Variants in DCHS2 observed in about 807,000 individuals in gnomAD.
DCHS2 encodes dachsous cadherin-related 2.
Under a neutral mutation model 182.4 loss-of-function variants are expected in DCHS2, and 142 were observed. The observed-to-expected ratio is 0.78, with a 90% CI of 0.68 to 0.89. The LOEUF (loss-of-function observed/expected upper bound fraction) is 0.89. Ranked by LOEUF, DCHS2 falls within the 40% of genes least tolerant of loss-of-function variation. The pLI is 0.00. For synonymous variants in DCHS2, 1,740 were observed against 1,663.3 expected (o/e 1.05, Z -1.12); for missense variants, 4,319 against 4,198.6 (o/e 1.03, Z -0.79).
intron 1 of DCHS2, among the ~76,000 whole-genome samples, chr4:154,436,174 T>C (rs1046488885): frequency 5.3e-5 from 8 of 152,232 alleles, no homozygotes. Context: ...TAATGCTCAA[T>C]TGATAAATCT....
At chr4:154,242,822 A>C in intron 16 of DCHS2, 50 bp from the exon 17 acceptor site, 1 of 1,555,918 alleles carries the variant, frequency 6.4e-7, no homozygotes, top group Non-Finnish European at 8.6e-7. Context: ...CAGGAATTAG[A>C]AAAACAACAT....
intron 1 of DCHS2, among the ~76,000 whole-genome samples, chr4:154,483,481 G>GAAAC (rs1353139053): frequency 6.6e-6 from 1 of 152,160 alleles, no homozygotes; most frequent in Non-Finnish European, 1.5e-5. Context: ...GTCAACTGAA[G>GAAAC]AAACATGAGA....
chr4:154,489,933 C>T lies in DCHS2; in HGVS notation c.1423G>A (p.Glu475Lys), dbSNP rs772095295. 6.5e-6 allele frequency: 10 copies of T among 1,540,822 alleles called. No individual in the cohort carries two copies. The South Asian group carries it at 1.1e-4, about 17-fold the overall frequency. The change falls in exon 1 of 20, where the codon GAG becomes AAG. Residue 475 changes from glutamate (E) to lysine (K), a missense_variant. Glu to Lys is a moderately conservative substitution (Grantham distance 56, BLOSUM62 1). Coordinates refer to ENST00000357232, the MANE Select transcript of DCHS2 (RefSeq NM_001358235.2). ...GSISLSLEGG[E>K]GDFALLPGGP... ...CCGGGTAGCAACGCGAAGTCTCCCT[C>T]TCCGCCTTCCAAGGACAGAGAGATG...
At chr4:154,432,269 C>G (rs1379533236) in intron 1 of DCHS2, among the ~76,000 whole-genome samples, 1 of 152,146 alleles carries the variant, frequency 6.6e-6, no homozygotes, top group East Asian at 1.9e-4. Flanking sequence ...CTTTATATTC[C>G]TAGAGTCAGG....
At chr4:154,350,670 C>A (rs2111406019) in intron 3 of DCHS2, among the ~76,000 whole-genome samples, 1 of 152,272 alleles carries the variant, frequency 6.6e-6, no homozygotes, top group East Asian at 1.9e-4. Flanking sequence ...ATTTATACAT[C>A]TCTATATTTG....
intron 9 of DCHS2, among the ~76,000 whole-genome samples, chr4:154,318,683 CAAT>C (rs1281058054): frequency 1.9e-4 from 29 of 151,994 alleles, no homozygotes; most frequent in Admixed American, 1.8e-3. Context: ...AGCCACAAAA[CAAT>C]GATGAAAGAA....
chr4:154,457,985 A>G (rs1271238421), intron 1 of DCHS2, among the ~76,000 whole-genome samples: 1 of 152,076 alleles, frequency 6.6e-6, no homozygotes, highest in Non-Finnish European at 1.5e-5. Flanking sequence ...TTTTTTTCCT[A>G]TTTTTAATCC....
chr4:154,314,862 G>A (rs1735797196), intron 10 of DCHS2, among the ~76,000 whole-genome samples: 1 of 152,144 alleles, frequency 6.6e-6, no homozygotes, highest in Non-Finnish European at 1.5e-5. Flanking sequence ...TGTTTCACAT[G>A]TGAATGGGAA....
At chr4:154,410,470 CAAA>C (rs61280673) in intron 1 of DCHS2, among the ~76,000 whole-genome samples, 4 of 70,348 alleles carry the variant, frequency 5.7e-5, no homozygotes, top group Admixed American at 1.8e-4. Flanking sequence ...ACCCAGAGGG[CAAA>C]AAAAAAAAAA....
Position 154,322,466 on chromosome 4 carries a change from C to A in DCHS2, c.4041G>T (p.Lys1347Asn). The change falls in exon 8 of 20, where the codon AAG becomes AAT. Residue 1347 changes from lysine to asparagine, a missense_variant. By Grantham distance (94) the Lys-to-Asn change is moderately conservative (BLOSUM62 0). Coordinates refer to ENST00000357232, the MANE Select transcript of DCHS2 (RefSeq NM_001358235.2). ...VSSEDSSDHF[K>N]IDANNGEIRT... is the part of the protein sequence containing the mutation. ...TTATTTCACCATTGTTGGCGTCAAT[C>A]TTAAAGTGATCAGAACTATCTTCTA... The A allele has an allele frequency of 1.2e-6, 2 of 1,612,900 alleles. No individual in the cohort carries two copies. The highest frequency in any genetic ancestry group is 1.7e-6 in the Non-Finnish European group (2 of 1,179,494).
At chr4:154,416,872 G>T (rs1369971133) in intron 1 of DCHS2, among the ~76,000 whole-genome samples, 1 of 152,080 alleles carries the variant, frequency 6.6e-6, no homozygotes, top group African/African-American at 2.4e-5. Flanking sequence ...CAGTCAGCGT[G>T]GCTCATTTTA....
At chr4:154,268,237 C>CA (rs1381673828) in intron 14 of DCHS2, among the ~76,000 whole-genome samples, 1 of 129,698 alleles carries the variant, frequency 7.7e-6, no homozygotes, top group Admixed American at 7.3e-5. Flanking sequence ...CTTTCCCCCC[C>CA]CCAAAAAAAT....
At position 154,490,414 on chromosome 4, in the gene DCHS2, C is replaced by T; in HGVS notation, c.942G>A (p.Glu314=). The change falls in exon 1 of 20, where the codon GAG becomes GAA. Residue 314 remains glutamate, a synonymous_variant. Coordinates refer to ENST00000357232, the MANE Select transcript of DCHS2 (RefSeq NM_001358235.2). ...GGTCGGTGGCGCGCACGCGACAGAC[C>T]TCGGCGCCCGGCTGGGCGTCCTCGC... The part of the protein sequence containing the change: ...AVREDAQPGA[E]VCRVRATDRD... 6.5e-7 allele frequency: 1 copy of T among 1,533,732 alleles called. No individual in the cohort carries two copies. The highest frequency in any genetic ancestry group is 8.7e-7 in the Non-Finnish European group (1 of 1,144,944).
Position 154,272,827 on chromosome 4 carries a change from A to G in DCHS2, c.6464-2814T>C, listed in dbSNP as rs60710802. Among the ~76,000 whole-genome samples, 10 of 152,248 alleles carry G rather than the reference A, an allele frequency of 6.6e-5. No homozygotes were observed. The East Asian group carries it at 1.7e-3, about 26-fold the overall frequency. On this transcript the variant is annotated intron_variant, in intron 13 of 19. Transcript: ENST00000357232. ...TCCTAGTGGATATGTAGTATCTTAC[A>G]GTGGTTTTAATTTAATTTATCTGGT...
In DCHS2 at chr4:154,242,700, A is replaced by G. The variant is rs2111109739; in HGVS notation, c.7014T>C (p.Thr2338=). 1.9e-6 allele frequency: 3 copies of G among 1,613,246 alleles called. No homozygotes were observed. Among genetic ancestry groups the G allele is most frequent in the Non-Finnish European group, 2.5e-6 (3 of 1,179,460 alleles). The change falls in exon 17 of 20, where the codon ACT becomes ACC. Residue 2338 remains threonine (T), a synonymous_variant. Transcript: ENST00000357232. The part of the protein sequence containing the change: ...SNTTVIKVQV[T]DINDNAPAFL... ...AAGCTGGGGCATTGTCATTTATATC[A>G]GTCACCTGTACCTTGATTACAGTCG...
intron 12 of DCHS2, chr4:154,298,915 C>A: frequency 3.5e-6 from 2 of 571,408 alleles, no homozygotes; most frequent in Non-Finnish European, 5.3e-6. Flanking sequence ...AGGGGATAAA[C>A]AGAATAATAT....
At chr4:154,392,159 G>T (rs370932066) in intron 1 of DCHS2, among the ~76,000 whole-genome samples, 5 of 152,268 alleles carry the variant, frequency 3.3e-5, no homozygotes, top group African/African-American at 1.2e-4. Context: ...AAGATACATT[G>T]AAATGCCCAT....
chr4:154,478,159 T>C (rs1735763642), intron 1 of DCHS2, among the ~76,000 whole-genome samples: 1 of 152,178 alleles, frequency 6.6e-6, no homozygotes. Flanking sequence ...TAGCTATCAC[T>C]CAAGAACAAT....
chr4:154,233,207 G>A lies in DCHS2; in HGVS notation c.*1329C>T, dbSNP rs1208856321. 1 of 152,098 alleles carries A rather than the reference G, an allele frequency of 6.6e-6. No homozygotes were observed. The allele number at this position is 152,098 out of a possible 1,614,324, so 9.4% of individuals were successfully genotyped here. ...CACCTGGCCCTCATGCTGACCACAG[G>A]AAGAGGACTTCTGAACCACCATCGT... On this transcript the variant is annotated 3_prime_UTR_variant, in exon 20 of 20. Coordinates refer to ENST00000357232, the MANE Select transcript of DCHS2 (RefSeq NM_001358235.2).
Sources: gnomAD v4.1 joint callset for allele counts (sites outside exome capture counted in the v4.1 genomes callset) on GRCh38, gnomAD v4.1.1 for gene constraint, MANE v1.5 for transcripts, NCBI Gene and HGNC (gene_info 2026-07-23, HGNC 2026-07-21) for gene names.